The following ANXA4 variants were observed in gnomAD, a reference collection of about 807,000 sequenced individuals.
ANXA4 encodes 35-beta calcimedin.
In ANXA4, 39 loss-of-function variants were observed where a neutral mutation model predicts 49.8. The observed-to-expected ratio is 0.78, with a 90% CI of 0.61 to 1.02. ANXA4 has a LOEUF of 1.02. Ranked by LOEUF, ANXA4 falls within the 50% of genes least tolerant of loss-of-function variation. The probability of loss-of-function intolerance (pLI) is 0.00; values close to 1 mark genes in which losing one functional copy is unlikely to be tolerated. For synonymous variants in ANXA4, 134 were observed against 152.5 expected (o/e 0.88, Z 0.89); for missense variants, 360 against 410.1 (o/e 0.88, Z 1.05).
intron 4 of ANXA4, among the ~76,000 whole-genome samples, chr2:69,805,616 A>G (rs1014158612): frequency 3.9e-5 from 6 of 152,018 alleles, no homozygotes; most frequent in Non-Finnish European, 7.4e-5. Flanking sequence ...AAAAAAAAAA[A>G]AAAAGAAATT....
At chr2:69,759,920 C>T (rs1671207993) in intron 1 of ANXA4, among the ~76,000 whole-genome samples, 1 of 152,148 alleles carries the variant, frequency 6.6e-6, no homozygotes, top group Admixed American at 6.5e-5. Flanking sequence ...GCAAGCTCCA[C>T]CTCCTGGGTT....
intron 2 of ANXA4, among the ~76,000 whole-genome samples, chr2:69,697,013 A>G (rs1678181414): frequency 6.6e-6 from 1 of 152,156 alleles, no homozygotes; most frequent in African/African-American, 2.4e-5. Context: ...TTCAACTTAA[A>G]GTCACCAGCT....
rs377380903 is a variant in ANXA4 at position 69,807,899 on chromosome 2, T to C, written c.307-7T>C. The C allele has an allele frequency of 8.7e-6, 14 of 1,613,738 alleles. No homozygotes were observed. The highest frequency in any genetic ancestry group is 1.1e-5 in the South Asian group (1 of 91,068). ...CATATAGCCCTGTCCTCTGGTTTCT[T>C]GTTTAGGGAGCCGGCACTGATGAGG... On this transcript the variant is annotated splice_region_variant and splice_polypyrimidine_tract_variant and intron_variant, in intron 5 of 12. Coordinates refer to ENST00000394295, the MANE Select transcript of ANXA4 (RefSeq NM_001153.5).
intron 2 of ANXA4, among the ~76,000 whole-genome samples, chr2:69,660,402 C>A (rs4361149): frequency 0.071 from 10,799 of 151,990 alleles, 1,127 homozygotes; most frequent in East Asian, 0.37. Flanking sequence ...CAATGTAAAA[C>A]AGAGTTCATA....
At chr2:69,753,399 C>A (rs891064260) in intron 1 of ANXA4, among the ~76,000 whole-genome samples, 1 of 152,178 alleles carries the variant, frequency 6.6e-6, no homozygotes. Flanking sequence ...TTTCCAGAGT[C>A]AAGGGTCCTC....
intron 3 of ANXA4, among the ~76,000 whole-genome samples, chr2:69,728,537 C>A (rs905964342): frequency 6.6e-6 from 1 of 152,176 alleles, no homozygotes; most frequent in Admixed American, 6.5e-5. Flanking sequence ...GCCAATCTAT[C>A]TGTGATTCAT....
At chr2:69,735,573 A>C (rs1308203558) in intron 3 of ANXA4, among the ~76,000 whole-genome samples, 1 of 151,586 alleles carries the variant, frequency 6.6e-6, no homozygotes, top group Non-Finnish European at 1.5e-5. Context: ...TTTGGACTCA[A>C]CTGCAGTATC....
chr2:69,740,813 C>G (rs935696765), upstream of ANXA4, among the ~76,000 whole-genome samples: 1 of 148,288 alleles, frequency 6.7e-6, no homozygotes, highest in African/African-American at 2.5e-5. Flanking sequence ...GACTGAATAG[C>G]TGGGACTACA....
At chr2:69,813,752 CTCTCT>C (rs1673809960) in intron 8 of ANXA4, among the ~76,000 whole-genome samples, 2 of 129,962 alleles carry the variant, frequency 1.5e-5, no homozygotes, top group Admixed American at 7.8e-5. Flanking sequence ...CTCTCTCTCT[CTCTCT>C]CTTTTTTTTT....
At chr2:69,757,238 T>TTATATATATATATATATATATATATATA (rs869068494) in intron 1 of ANXA4, among the ~76,000 whole-genome samples, 1 of 59,060 alleles carries the variant, frequency 1.7e-5, no homozygotes, top group African/African-American at 6.3e-5. Context: ...CATTTTTGTT[T>TTATATATATATATATATATATATATATA]TATATATATA....
intron 7 of ANXA4, among the ~76,000 whole-genome samples, chr2:69,812,231 C>T (rs1314951405): frequency 6.6e-6 from 1 of 151,996 alleles, no homozygotes; most frequent in Non-Finnish European, 1.5e-5. Flanking sequence ...AAGACATCCT[C>T]CCACCTCAGC....
chr2:69,779,829 G>T (rs1024815001), intron 1 of ANXA4, among the ~76,000 whole-genome samples: 8 of 152,068 alleles, frequency 5.3e-5, no homozygotes, highest in African/African-American at 1.9e-4. Flanking sequence ...TGTCACTCCC[G>T]CATTTCCTCA....
chr2:69,728,214 TC>T (rs1406744458), intron 3 of ANXA4, among the ~76,000 whole-genome samples: 3 of 152,182 alleles, frequency 2.0e-5, no homozygotes, highest in Non-Finnish European at 4.4e-5. Context: ...TATGTAAATA[TC>T]CTGTTCTTCT....
chr2:69,704,247 GT>G (rs1314834118), intron 2 of ANXA4, among the ~76,000 whole-genome samples: 1 of 152,090 alleles, frequency 6.6e-6, no homozygotes, highest in Non-Finnish European at 1.5e-5. Context: ...TGATCATAGT[GT>G]TCCTATTTAA....
intron 2 of ANXA4, among the ~76,000 whole-genome samples, chr2:69,712,432 A>G (rs1273707332): frequency 6.6e-6 from 1 of 152,242 alleles, no homozygotes; most frequent in Non-Finnish European, 1.5e-5. Context: ...TAATAGCCCT[A>G]TTAGGACCTG....
intron 3 of ANXA4, among the ~76,000 whole-genome samples, chr2:69,788,757 GA>G (rs1672532905): frequency 6.6e-6 from 1 of 150,612 alleles, no homozygotes; most frequent in African/African-American, 2.5e-5. Context: ...AGAATGGCGT[GA>G]ACCCGGGAGG....
At chr2:69,725,410 TTATTTATA>T (rs1252104455) in intron 3 of ANXA4, among the ~76,000 whole-genome samples, 3 of 148,732 alleles carry the variant, frequency 2.0e-5, no homozygotes, top group Non-Finnish European at 4.5e-5. Context: ...GGTATATTTA[TTATTTATA>T]TATTTATTTA....
At chr2:69,696,729 G>T (rs188900981) in intron 2 of ANXA4, among the ~76,000 whole-genome samples, 153 of 152,310 alleles carry the variant, frequency 1.0e-3, no homozygotes, top group African/African-American at 3.5e-3. Flanking sequence ...GTGTTAGCAG[G>T]CATGAAAACA....
At chr2:69,810,855 T>G (rs1673675914) in intron 7 of ANXA4, 182 bp downstream of exon 7, 1 of 584,012 alleles carries the variant, frequency 1.7e-6, no homozygotes, top group Admixed American at 3.0e-5. Flanking sequence ...GCCTGCCCAT[T>G]TTTTCTACTT....
Sources: gnomAD v4.1 joint callset for allele counts (sites outside exome capture counted in the v4.1 genomes callset) on GRCh38, gnomAD v4.1.1 for gene constraint, MANE v1.5 for transcripts, NCBI Gene and HGNC (gene_info 2026-07-23, HGNC 2026-07-21) for gene names.